Variants in MRTFB observed in about 807,000 individuals in gnomAD.
The protein encoded by MRTFB is myocardin-related transcription factor B.
MRTFB carries 29 observed loss-of-function variants against 104.2 expected under a neutral mutation model. That is an observed-to-expected ratio of 0.28 (90% CI 0.21 to 0.38). The LOEUF (loss-of-function observed/expected upper bound fraction) is 0.38, where lower values mean the gene tolerates loss of function less well. Ranked by LOEUF, MRTFB falls within the 10% of genes least tolerant of loss-of-function variation. MRTFB has a pLI of 1.00. For missense variants in MRTFB, 1,270 were observed against 1,341.6 expected, an observed-to-expected ratio of 0.95 and a Z score of 0.83; for synonymous variants, 535 against 519.5, an observed-to-expected ratio of 1.03 and a Z score of -0.41.
intron 2 of MRTFB, among the ~76,000 whole-genome samples, chr16:14,130,380 C>G (rs1030115430): frequency 6.6e-6 from 1 of 152,076 alleles, no homozygotes; most frequent in African/African-American, 2.4e-5. Context: ...TTACACTATC[C>G]TTGGAAAGAG....
intron 3 of MRTFB, among the ~76,000 whole-genome samples, chr16:14,191,204 G>T (rs576458825): frequency 6.6e-6 from 1 of 152,148 alleles, no homozygotes; most frequent in African/African-American, 2.4e-5. Context: ...TAAAAATTCA[G>T]CTCCTCAGTC....
chr16:14,022,460 G>T, the MRTFB span, among the ~76,000 whole-genome samples: 1,157 of 152,200 alleles, frequency 7.6e-3, 14 homozygotes, highest in African/African-American at 0.026. Context: ...ACAGTGGCGC[G>T]ATCTCCACTC....
chr16:14,090,188 T>C (rs560074387), intron 2 of MRTFB, among the ~76,000 whole-genome samples: 61 of 152,230 alleles, frequency 4.0e-4, no homozygotes, highest in Admixed American at 7.2e-4. Flanking sequence ...GCTTGTGCCA[T>C]TCTCTCTCTG....
intron 2 of MRTFB, among the ~76,000 whole-genome samples, chr16:14,089,487 T>C (rs1372445499): frequency 6.6e-6 from 1 of 152,246 alleles, no homozygotes; most frequent in South Asian, 2.1e-4. Context: ...AGTAGTATTC[T>C]GTTGTGTGGA....
intron 2 of MRTFB, among the ~76,000 whole-genome samples, chr16:14,095,904 A>T (rs1448060201): frequency 6.6e-6 from 1 of 152,188 alleles, no homozygotes; most frequent in East Asian, 1.9e-4. Context: ...AGTGCTTACA[A>T]GTAGTGTCTA....
Position 14,262,156 on chromosome 16 carries a change from A to G in MRTFB, c.*712A>G, listed in dbSNP as rs986047046. The G allele has an allele frequency of 6.6e-6, 1 of 152,250 alleles. No homozygotes were observed. Among genetic ancestry groups the G allele is most frequent in the Non-Finnish European group, 1.5e-5 (1 of 68,040 alleles). 9.4% of individuals were successfully genotyped at this position (152,250 alleles called of 1,614,324 possible). ...TACTGTCAGAAGTCCAGGTATACTGATAACACTGAAAATTCTATTAGCAAC... is the reference window on the plus strand; with the variant it reads ...TACTGTCAGAAGTCCAGGTATACTGGTAACACTGAAAATTCTATTAGCAAC... On this transcript the variant is annotated 3_prime_UTR_variant, in exon 17 of 17. Coordinates refer to ENST00000571589, the MANE Select transcript of MRTFB (RefSeq NM_001308142.2).
intron 3 of MRTFB, among the ~76,000 whole-genome samples, chr16:14,199,504 T>G (rs937587559): frequency 2.6e-5 from 4 of 152,214 alleles, no homozygotes; most frequent in African/African-American, 9.6e-5. Context: ...TGCCCAAGAC[T>G]GCGCTTCCTA....
intron 1 of MRTFB, among the ~76,000 whole-genome samples, chr16:14,075,504 A>G (rs912323899): frequency 2.6e-5 from 4 of 152,250 alleles, no homozygotes; most frequent in Non-Finnish European, 5.9e-5. Context: ...AAACTTGAGT[A>G]TGTATTAAAA....
At chr16:14,078,928 T>G (rs901915916) in intron 1 of MRTFB, among the ~76,000 whole-genome samples, 3 of 152,128 alleles carry the variant, frequency 2.0e-5, no homozygotes, top group Admixed American at 6.6e-5. Context: ...GTTACACATA[T>G]GGGAAAACAG....
chr16:14,234,000 C>A, intron 8 of MRTFB, 146 bp from the exon 9 acceptor site: 2 of 924,494 alleles, frequency 2.2e-6, no homozygotes, highest in Non-Finnish European at 3.2e-6. Flanking sequence ...GTTATTCCAC[C>A]ATCTGGCCTC....
intron 2 of MRTFB, among the ~76,000 whole-genome samples, chr16:14,102,678 C>G (rs937354861): frequency 4.0e-4 from 61 of 152,302 alleles, no homozygotes; most frequent in African/African-American, 1.3e-3. Context: ...AAACTGTTAG[C>G]TCTTCAGTGT....
chr16:14,027,302 T>C, the MRTFB span, among the ~76,000 whole-genome samples: 4 of 152,338 alleles, frequency 2.6e-5, no homozygotes, highest in South Asian at 6.2e-4. Context: ...TCTATATGAT[T>C]CCATTTATAT....
At chr16:14,256,122 AAAGAAAG>A (rs2043471800) in intron 15 of MRTFB, among the ~76,000 whole-genome samples, 1 of 146,872 alleles carries the variant, frequency 6.8e-6, no homozygotes, top group East Asian at 1.9e-4. Context: ...AAAAAAAAAA[AAAGAAAG>A]AAAGAAAAAT....
chr16:14,184,095 G>C (rs1383753250), intron 3 of MRTFB, among the ~76,000 whole-genome samples: 1 of 77,900 alleles, frequency 1.3e-5, no homozygotes, highest in Non-Finnish European at 2.7e-5. Context: ...AAAAAAAAAA[G>C]TTGGCATTTA....
Position 14,177,396 on chromosome 16 carries a change from C to T in MRTFB, c.155-32847C>T, listed in dbSNP as rs1235251941. Among the ~76,000 whole-genome samples, 1 of 152,176 alleles carries T rather than the reference C, an allele frequency of 6.6e-6. No homozygotes were observed. Among genetic ancestry groups the T allele is most frequent in the Non-Finnish European group, 1.5e-5 (1 of 68,038 alleles). ...GTGCATTGTCCAGAGCTGGACCAAC[C>T]TGAGGTCTAGGCTAACCCATTACTC... is the stretch of plus-strand genomic sequence containing the variant. On this transcript the variant is annotated intron_variant, in intron 3 of 16. Coordinates refer to ENST00000571589, the MANE Select transcript of MRTFB (RefSeq NM_001308142.2). This position sits in a 1 kb window ranked among gnomAD's most constrained non-coding sequence, Gnocchi z 4.7.
intron 6 of MRTFB, chr16:14,214,842 T>G (rs1029707559): frequency 6.6e-6 from 1 of 152,176 alleles, no homozygotes; most frequent in Non-Finnish European, 1.5e-5. Context: ...GTAAAGAATC[T>G]TTGATTATAT....
chr16:14,174,849 C>T (rs1444617890), intron 3 of MRTFB, among the ~76,000 whole-genome samples: 1 of 152,178 alleles, frequency 6.6e-6, no homozygotes, highest in African/African-American at 2.4e-5. Flanking sequence ...TTGCGTTACA[C>T]CATCAGTGTG....
At chr16:14,032,884 C>T in the MRTFB span, among the ~76,000 whole-genome samples, 3 of 152,100 alleles carry the variant, frequency 2.0e-5, no homozygotes, top group Non-Finnish European at 4.4e-5. Context: ...TACAGTGGTG[C>T]AAACACAGCT....
chr16:14,096,137 C>T (rs1051139698), intron 2 of MRTFB, among the ~76,000 whole-genome samples: 3 of 151,824 alleles, frequency 2.0e-5, no homozygotes, highest in African/African-American at 7.3e-5. Context: ...AGTGCAGTGG[C>T]GCGATCTTGG....
Sources: gnomAD v4.1 joint callset for allele counts (sites outside exome capture counted in the v4.1 genomes callset) on GRCh38, gnomAD v4.1.1 for gene constraint, Gnocchi (gnomAD v3.1) non-coding constraint, MANE v1.5 for transcripts, NCBI Gene and HGNC (gene_info 2026-07-23, HGNC 2026-07-21) for gene names.